ASCC3: variants seen among roughly 807,000 people sequenced by gnomAD.
ASCC3 encodes the protein ASC-1 complex subunit P200.
In ASCC3, 158 loss-of-function variants were observed where a neutral mutation model predicts 256.3. The observed-to-expected ratio is 0.62, with a 90% confidence interval of 0.54 to 0.70. The LOEUF (loss-of-function observed/expected upper bound fraction) is 0.70, where lower values mean the gene tolerates loss of function less well. ASCC3 is among the 30% of genes least tolerant of loss of function. ASCC3 has a pLI of 0.00. For missense variants in ASCC3, 2,259 were observed against 2,626.0 expected (o/e 0.86, Z 3.05); for synonymous variants, 948 against 883.4 (o/e 1.07, Z -1.30).
At chr6:100,515,348 T>C (rs1024167062) in intron 39 of ASCC3, among the ~76,000 whole-genome samples, 3 of 152,204 alleles carry the variant, frequency 2.0e-5, no homozygotes, top group Non-Finnish European at 2.9e-5. Flanking sequence ...TAATGCCTGT[T>C]ACACTTTTTC....
At chr6:100,595,101 G>A (rs1014909791) in intron 34 of ASCC3, among the ~76,000 whole-genome samples, 21 of 152,024 alleles carry the variant, frequency 1.4e-4, no homozygotes, top group African/African-American at 3.9e-4. Flanking sequence ...ATAAAGTTTC[G>A]GTTAGACAGA....
At chr6:100,573,979 T>C (rs2114730339) in intron 36 of ASCC3, among the ~76,000 whole-genome samples, 1 of 152,200 alleles carries the variant, frequency 6.6e-6, no homozygotes, top group Non-Finnish European at 1.5e-5. Context: ...GGGAGGACAA[T>C]GTCAGCAACT....
chr6:100,513,035 A>G, intron 39 of ASCC3, 117 bp from the exon 40 acceptor site: 1 of 889,008 alleles, frequency 1.1e-6, no homozygotes, highest in South Asian at 1.6e-5. Flanking sequence ...GATTAATTCT[A>G]GATCCAATGC....
chr6:100,605,829 C>G (rs1467877306), intron 32 of ASCC3, 129 bp from the exon 33 acceptor site: 1 of 1,070,584 alleles, frequency 9.3e-7, no homozygotes, highest in East Asian at 2.6e-5. Flanking sequence ...AATATGTTTG[C>G]TATGTTGATG....
intron 8 of ASCC3, among the ~76,000 whole-genome samples, chr6:100,775,776 G>A (rs542966935): frequency 4.7e-4 from 71 of 151,686 alleles, no homozygotes; most frequent in African/African-American, 1.7e-3. Flanking sequence ...GAAAATGAAC[G>A]AAATAATTTT....
At chr6:100,705,809 C>T (rs1002975727) in intron 13 of ASCC3, among the ~76,000 whole-genome samples, 2 of 151,824 alleles carry the variant, frequency 1.3e-5, no homozygotes, top group Admixed American at 6.6e-5. Flanking sequence ...ACGTACACAG[C>T]CCCACAAGAA....
At chr6:100,575,782 G>T (rs547505169) in intron 36 of ASCC3, among the ~76,000 whole-genome samples, 48 of 151,730 alleles carry the variant, frequency 3.2e-4, no homozygotes, top group Admixed American at 3.2e-3. Flanking sequence ...TTTCAAAATT[G>T]TCAATATTAT....
intron 34 of ASCC3, among the ~76,000 whole-genome samples, chr6:100,593,229 CCT>C (rs910705973): frequency 1.1e-4 from 17 of 152,020 alleles, no homozygotes; most frequent in African/African-American, 4.1e-4. Context: ...TTACTAGTCC[CCT>C]GAGAGGTGTG....
At chr6:100,533,005 T>C (rs1382126203) in intron 37 of ASCC3, among the ~76,000 whole-genome samples, 1 of 152,164 alleles carries the variant, frequency 6.6e-6, no homozygotes, top group Non-Finnish European at 1.5e-5. Context: ...CTGTTTTGTT[T>C]CCTGTTTTGA....
chr6:100,662,124 C>G lies in ASCC3; in HGVS notation c.2479-94G>C, dbSNP rs1312286911. 5.4e-6 allele frequency: 7 copies of G among 1,292,404 alleles called. No individual in the cohort carries two copies. In the Admixed American group the frequency reaches 1.1e-4, roughly 20 times the overall value. The allele number at this position is 1,292,404 out of a possible 1,614,324, so 80.1% of individuals were successfully genotyped here. On this transcript the variant is annotated intron_variant, in intron 15 of 41. Transcript: ENST00000369162. ...TGAAATTAGGCAAATATGGCAAGATCTCAAAAGTGTACTTTAACTAATCCT... is the reference window on the plus strand; with the variant it reads ...TGAAATTAGGCAAATATGGCAAGATGTCAAAAGTGTACTTTAACTAATCCT...
At chr6:100,774,168 T>C (rs1217422222) in intron 8 of ASCC3, among the ~76,000 whole-genome samples, 1 of 152,172 alleles carries the variant, frequency 6.6e-6, no homozygotes, top group Non-Finnish European at 1.5e-5. Flanking sequence ...GTTTTGCTGA[T>C]GATTTCTGAG....
chr6:100,651,545 T>G lies in ASCC3; in HGVS notation c.3075+15A>C. On this transcript the variant is annotated intron_variant, in intron 19 of 41. Transcript: ENST00000369162. ...CATGTTGTATGCATTTGATTCAAAT[T>G]TCAAGAAATCTTACCTTAATTTGAT... 6.6e-7 allele frequency: 1 copy of G among 1,510,704 alleles called. No homozygotes were observed. Among genetic ancestry groups the G allele is most frequent in the African/African-American group, 1.4e-5 (1 of 72,510 alleles). 93.6% of individuals were successfully genotyped at this position (1,510,704 alleles called of 1,614,324 possible). A position where few individuals can be genotyped will look rare whatever the true frequency, so the allele number is the denominator to read the frequency against.
At chr6:100,585,623 G>A (rs1376524996) in intron 36 of ASCC3, among the ~76,000 whole-genome samples, 1 of 152,198 alleles carries the variant, frequency 6.6e-6, no homozygotes. Context: ...TTGCTGGTGA[G>A]GAACTGTGTT....
intron 8 of ASCC3, among the ~76,000 whole-genome samples, chr6:100,795,079 G>T (rs774296505): frequency 2.0e-5 from 3 of 152,000 alleles, no homozygotes; most frequent in African/African-American, 4.8e-5. Flanking sequence ...CAGTAAGAAC[G>T]CCATTCACAT....
At chr6:100,761,529 C>T (rs1348342000) in intron 10 of ASCC3, among the ~76,000 whole-genome samples, 1 of 152,044 alleles carries the variant, frequency 6.6e-6, no homozygotes, top group Non-Finnish European at 1.5e-5. Context: ...GAACTGACAA[C>T]CTACGAATCT....
rs76540716 is a variant in ASCC3, at chr6:100,826,544, T to A, written c.802-20664A>T. On this transcript the variant is annotated intron_variant, in intron 4 of 41. Transcript: ENST00000369162. ...AGCTTTCTAAGTCCACATTATGTCA[T>A]CCATCATATCTGTAATACTATCAAT... Among the ~76,000 whole-genome samples the A allele has an allele frequency of 7.3e-3, 1,111 of 152,346 alleles. 13 individuals carry two copies. Among genetic ancestry groups the A allele is most frequent in the African/African-American group, 0.025 (1,034 of 41,582 alleles).
At chr6:100,517,640 A>T (rs1774098932) in intron 38 of ASCC3, among the ~76,000 whole-genome samples, 1 of 152,196 alleles carries the variant, frequency 6.6e-6, no homozygotes, top group African/African-American at 2.4e-5. Context: ...ACGATAACAG[A>T]CATTGATCAT....
At chr6:100,701,186 T>G (rs755172214) in intron 13 of ASCC3, among the ~76,000 whole-genome samples, 23 of 152,228 alleles carry the variant, frequency 1.5e-4, no homozygotes, top group Non-Finnish European at 2.9e-4. Context: ...GCTTGATCTA[T>G]GTTGAATCTT....
intron 11 of ASCC3, among the ~76,000 whole-genome samples, chr6:100,721,744 T>C (rs928105264): frequency 1.3e-5 from 2 of 151,766 alleles, no homozygotes; most frequent in Non-Finnish European, 1.5e-5. Context: ...TACAATTTCA[T>C]TTCTACTGAA....
Sources: allele counts gnomAD v4.1 joint callset (sites outside exome capture counted in the v4.1 genomes callset), GRCh38; gene constraint gnomAD v4.1.1; transcripts MANE v1.5; gene names NCBI Gene and HGNC (gene_info 2026-07-23, HGNC 2026-07-21).